The following DIAPH2 variants were observed in gnomAD, a reference collection of about 807,000 sequenced individuals.
DIAPH2 encodes the protein protein diaphanous homolog 2.
A neutral mutation model predicts 92.7 loss-of-function variants in DIAPH2; 35 were observed. That is an observed-to-expected ratio of 0.38 (90% CI 0.29 to 0.50). The LOEUF is 0.50. Among genes scored for constraint, DIAPH2 ranks in the 20% least tolerant of loss-of-function variants. The probability of loss-of-function intolerance (pLI) is 0.94; values close to 1 mark genes in which losing one functional copy is unlikely to be tolerated. For synonymous variants in DIAPH2, 301 were observed against 280.4 expected, an observed-to-expected ratio of 1.07 and a Z score of -0.73; for missense variants, 701 against 819.5, an observed-to-expected ratio of 0.86 and a Z score of 1.77.
intron 17 of DIAPH2, among the ~76,000 whole-genome samples, chrX:97,052,160 A>G (rs1267953206): frequency 1.8e-5 from 2 of 111,391 alleles, no homozygotes; most frequent in Non-Finnish European, 3.8e-5. Flanking sequence ...ACTGATTTAC[A>G]AGGAATGAGA....
intron 17 of DIAPH2, among the ~76,000 whole-genome samples, chrX:97,013,095 ACT>A (rs1192724171): frequency 1.2e-4 from 13 of 111,981 alleles, no homozygotes; most frequent in African/African-American, 4.2e-4. Flanking sequence ...AGGCATCCAC[ACT>A]AATTCAGTAA....
chrX:97,332,027 G>C (rs1198831394), intron 23 of DIAPH2, among the ~76,000 whole-genome samples: 1 of 111,724 alleles, frequency 9.0e-6, no homozygotes, highest in Non-Finnish European at 1.9e-5. Context: ...GTACTTGCAA[G>C]GTTCTTAACC....
At chrX:97,087,387 G>A (rs775739727) in intron 19 of DIAPH2, among the ~76,000 whole-genome samples, 42 of 111,323 alleles carry the variant, frequency 3.8e-4, no homozygotes, top group Non-Finnish European at 6.6e-4. Flanking sequence ...GTTGCTTCTT[G>A]GGAAAAGCAA....
chrX:96,754,331 G>A (rs1403764189), intron 3 of DIAPH2, among the ~76,000 whole-genome samples: 3 of 111,676 alleles, frequency 2.7e-5, no homozygotes, highest in Non-Finnish European at 1.9e-5. Flanking sequence ...AACATATATA[G>A]CATTTACTAA....
At chrX:97,163,928 A>C (rs758448887) in intron 22 of DIAPH2, among the ~76,000 whole-genome samples, 1 of 112,265 alleles carries the variant, frequency 8.9e-6, no homozygotes, top group African/African-American at 3.2e-5. Context: ...TTTTCACATT[A>C]ACTTATTCAC....
chrX:97,187,281 CTTTTTTTT>C (rs763781923), intron 22 of DIAPH2, among the ~76,000 whole-genome samples: 7 of 36,883 alleles, frequency 1.9e-4, no homozygotes, highest in African/African-American at 6.2e-4. Context: ...ATTAAGTAGC[CTTTTTTTT>C]TTTTTTTTTT....
At chrX:96,932,954 G>T (rs2065629051) in intron 10 of DIAPH2, among the ~76,000 whole-genome samples, 1 of 111,118 alleles carries the variant, frequency 9.0e-6, no homozygotes, top group South Asian at 3.8e-4. Context: ...CTAACCTCTG[G>T]TATTCTTAAT....
chrX:96,986,688 T>G (rs2066034025), intron 17 of DIAPH2, among the ~76,000 whole-genome samples: 1 of 111,507 alleles, frequency 9.0e-6, no homozygotes, highest in African/African-American at 3.2e-5. Flanking sequence ...ATGCCTTGAC[T>G]CTTAAGGACA....
intron 4 of DIAPH2, among the ~76,000 whole-genome samples, chrX:96,782,423 G>T (rs2064424873): frequency 8.9e-6 from 1 of 112,288 alleles, no homozygotes. Context: ...AGCCTCCCGA[G>T]TAGCTGGGAC....
At chrX:96,722,354 C>A (rs1253918590) in intron 1 of DIAPH2, among the ~76,000 whole-genome samples, 1 of 108,992 alleles carries the variant, frequency 9.2e-6, no homozygotes. Flanking sequence ...GAGACTCCGT[C>A]TTAGAAAAAA....
At chrX:97,013,003 A>G (rs2066237737) in intron 17 of DIAPH2, among the ~76,000 whole-genome samples, 1 of 112,403 alleles carries the variant, frequency 8.9e-6, no homozygotes, top group Admixed American at 9.5e-5. Context: ...TGGAAGCCAC[A>G]GGCAATCTTG....
At chrX:97,253,951 A>G (rs896079917) in intron 23 of DIAPH2, among the ~76,000 whole-genome samples, 1 of 111,789 alleles carries the variant, frequency 8.9e-6, no homozygotes, top group Non-Finnish European at 1.9e-5. Context: ...GCCAAGAAGC[A>G]GGGTGGAAGT....
At chrX:97,162,805 G>A (rs1233675068) in intron 22 of DIAPH2, among the ~76,000 whole-genome samples, 4 of 111,659 alleles carry the variant, frequency 3.6e-5, no homozygotes, top group Non-Finnish European at 7.5e-5. Flanking sequence ...ATGAGCCACC[G>A]TGTTCCTTTT....
chrX:96,918,649 A>G (rs775936194), intron 9 of DIAPH2, 32 bp downstream of exon 9: 8 of 981,022 alleles, frequency 8.2e-6, no homozygotes, highest in Non-Finnish European at 1.2e-5. Context: ...TTGCTTCTAG[A>G]GTTATATTTA....
intron 26 of DIAPH2, among the ~76,000 whole-genome samples, chrX:97,531,888 T>C (rs1057502351): frequency 1.8e-5 from 2 of 112,683 alleles, no homozygotes; most frequent in Non-Finnish European, 3.8e-5. Flanking sequence ...TTTTGTCTTA[T>C]GAAAGGCTTC....
chrX:96,913,418 T>A (rs2065482106), intron 7 of DIAPH2, among the ~76,000 whole-genome samples: 1 of 111,868 alleles, frequency 8.9e-6, no homozygotes, highest in South Asian at 3.6e-4. Context: ...GTCTTTATGA[T>A]GTAAATCCTT....
chrX:96,854,598 C>T (rs1179442156), intron 4 of DIAPH2, among the ~76,000 whole-genome samples: 28 of 37,120 alleles, frequency 7.5e-4, no homozygotes, highest in East Asian at 2.4e-3. Context: ...CTCTCTCTCT[C>T]ATATATATAT....
intron 26 of DIAPH2, among the ~76,000 whole-genome samples, chrX:97,469,052 G>T (rs1451205993): frequency 1.8e-5 from 2 of 112,012 alleles, no homozygotes; most frequent in African/African-American, 6.5e-5. Context: ...ATGAATCTAT[G>T]TTAATTTCTA....
chrX:96,748,613 A>T (rs964902840), intron 3 of DIAPH2, among the ~76,000 whole-genome samples: 11 of 112,097 alleles, frequency 9.8e-5, no homozygotes, highest in Non-Finnish European at 1.5e-4. Flanking sequence ...AACAACTTAA[A>T]GAAAATCCCT....
Sources: gnomAD v4.1 joint callset for allele counts (sites outside exome capture counted in the v4.1 genomes callset) on GRCh38, gnomAD v4.1.1 for gene constraint, MANE v1.5 for transcripts, NCBI Gene and HGNC (gene_info 2026-07-23, HGNC 2026-07-21) for gene names.